Variants in POLE2 observed in about 807,000 individuals in gnomAD.
POLE2 encodes the protein DNA polymerase epsilon 2, accessory subunit, also known as DNA polymerase epsilon subunit 2.
Under a neutral mutation model 79.4 loss-of-function variants are expected in POLE2, and 56 were observed. That is an observed-to-expected ratio of 0.71 (90% CI 0.57 to 0.88). The LOEUF is 0.88. Ranked by LOEUF, POLE2 falls within the 40% of genes least tolerant of loss-of-function variation. POLE2 has a pLI of 0.00. For synonymous variants in POLE2, 212 were observed against 214.0 expected (o/e 0.99, Z 0.08); for missense variants, 598 against 638.9 (o/e 0.94, Z 0.69).
At chr14:49,653,614 AGTTTTTTTGTTTTTTGTTTTTTTT>A (rs1243683807) in intron 15 of POLE2, among the ~76,000 whole-genome samples, 3 of 152,008 alleles carry the variant, frequency 2.0e-5, no homozygotes, top group African/African-American at 4.8e-5. Flanking sequence ...GAATCAAGTT[AGTTTTTTTGTTTTTTGTTTTTTTT>A]GTTTTTTTGT....
intron 10 of POLE2, among the ~76,000 whole-genome samples, chr14:49,659,050 G>A (rs1055314988): frequency 1.3e-5 from 2 of 152,156 alleles, no homozygotes; most frequent in Non-Finnish European, 2.9e-5. Context: ...TGATACTGAT[G>A]ATTCTGTGTA....
At chr14:49,666,440 A>G (rs772241179) in intron 6 of POLE2, 27 bp from the exon 7 acceptor site, 87 of 1,029,568 alleles carry the variant, frequency 8.5e-5, no homozygotes, top group Non-Finnish European at 1.2e-4. Context: ...TAAATTTTAA[A>G]GACTGTAAAT....
intron 3 of POLE2, among the ~76,000 whole-genome samples, chr14:49,678,048 G>A (rs1441246007): frequency 6.6e-6 from 1 of 150,688 alleles, no homozygotes; most frequent in Non-Finnish European, 1.5e-5. Context: ...TGTCCAGGCT[G>A]GAGCAGAGTG....
chr14:49,643,663 G>T lies in POLE2; in HGVS notation c.1573C>A (p.Gln525Lys), dbSNP rs1256767328. ...SNKTVEDSKL[Q>K]GF is the part of the protein sequence containing the mutation. Reference sequence around the variant, plus strand: ...GATCTTTAAGAATCTCAAAAGCCTTGAAGTTTGCTGAAAATAGAAAAAAAA... The same window carrying T: ...GATCTTTAAGAATCTCAAAAGCCTTTAAGTTTGCTGAAAATAGAAAAAAAA... The change falls in exon 19 of 19, where the codon CAA becomes AAA. Residue 525 changes from glutamine (Q) to lysine (K), a missense_variant. By Grantham distance (53) the Gln-to-Lys change is moderately conservative (BLOSUM62 1). Coordinates refer to ENST00000216367, the MANE Select transcript of POLE2 (RefSeq NM_002692.4). 7.1e-7 allele frequency: 1 copy of T among 1,400,462 alleles called. No homozygotes were observed. 86.8% of individuals were successfully genotyped at this position (1,400,462 alleles called of 1,614,324 possible). A position where few individuals can be genotyped will look rare whatever the true frequency, so the allele number is the denominator to read the frequency against.
At chr14:49,651,816 A>G (rs1884260172) in intron 15 of POLE2, among the ~76,000 whole-genome samples, 1 of 152,154 alleles carries the variant, frequency 6.6e-6, no homozygotes, top group Non-Finnish European at 1.5e-5. Flanking sequence ...TGACTTGAGC[A>G]CAGGCTTGAA....
intron 17 of POLE2, 141 bp downstream of exon 17, chr14:49,650,124 G>T (rs1382743742): frequency 4.4e-6 from 2 of 454,976 alleles, no homozygotes; most frequent in Non-Finnish European, 3.5e-6. Flanking sequence ...CCAACTTTCT[G>T]TGTATAGAAA....
intron 17 of POLE2, among the ~76,000 whole-genome samples, chr14:49,647,816 A>C (rs1883895799): frequency 6.6e-6 from 1 of 152,214 alleles, no homozygotes. Context: ...TTGTGACTTA[A>C]AATGACAAGA....
chr14:49,682,240 G>A (rs1397051136), intron 2 of POLE2, among the ~76,000 whole-genome samples: 1 of 151,114 alleles, frequency 6.6e-6, no homozygotes, highest in South Asian at 2.1e-4. Context: ...CTGAACTCAG[G>A]CGTTCCCACC....
chr14:49,650,210 A>AATTT (rs1884108637), intron 17 of POLE2, 55 bp downstream of exon 17: 1 of 916,512 alleles, frequency 1.1e-6, no homozygotes, highest in East Asian at 2.9e-5. Context: ...TTAAATTAAA[A>AATTT]AATGCACTCT....
At chr14:49,653,935 C>G in intron 15 of POLE2, 55 bp downstream of exon 15, 1 of 1,068,378 alleles carries the variant, frequency 9.4e-7, no homozygotes, top group Non-Finnish European at 1.4e-6. Flanking sequence ...GCCACCACAC[C>G]TGGCTAATTT....
intron 1 of POLE2, among the ~76,000 whole-genome samples, chr14:49,684,106 T>A (rs902794519): frequency 6.6e-6 from 1 of 152,224 alleles, no homozygotes; most frequent in South Asian, 2.1e-4. Context: ...TATATTTAAT[T>A]TGATAATGCA....
chr14:49,656,406 T>C (rs1440402990), intron 10 of POLE2, among the ~76,000 whole-genome samples: 1 of 151,562 alleles, frequency 6.6e-6, no homozygotes, highest in Non-Finnish European at 1.5e-5. Context: ...AATAATTTCC[T>C]ATGTCACTGA....
At chr14:49,686,979 T>C (rs1212705059) in intron 1 of POLE2, among the ~76,000 whole-genome samples, 2 of 152,048 alleles carry the variant, frequency 1.3e-5, no homozygotes, top group Non-Finnish European at 2.9e-5. Flanking sequence ...GGTATTTCAA[T>C]ATGTATAAAA....
At chr14:49,679,190 CAATTTGT>C (rs552911488) in intron 3 of POLE2, among the ~76,000 whole-genome samples, 44 of 152,152 alleles carry the variant, frequency 2.9e-4, no homozygotes, top group African/African-American at 8.9e-4. Context: ...TAAATGCCAT[CAATTTGT>C]ATAGAAGTAT....
chr14:49,646,302 GTTTTT>G (rs1162033821), intron 18 of POLE2, among the ~76,000 whole-genome samples: 12 of 84,568 alleles, frequency 1.4e-4, no homozygotes, highest in African/African-American at 5.9e-4. Flanking sequence ...TTTTTTGTTG[GTTTTT>G]TTTTTTTTTT....
chr14:49,659,189 G>A (rs1884923571), intron 10 of POLE2, among the ~76,000 whole-genome samples: 1 of 152,158 alleles, frequency 6.6e-6, no homozygotes, highest in South Asian at 2.1e-4. Flanking sequence ...GGCTGAGGTG[G>A]GAGGATTGCT....
chr14:49,649,136 CCTT>C (rs1173918297), intron 17 of POLE2, among the ~76,000 whole-genome samples: 9 of 141,746 alleles, frequency 6.3e-5, no homozygotes, highest in African/African-American at 1.6e-4. Context: ...TATTTCTTTC[CCTT>C]TTTTTTTTTT....
chr14:49,666,343 G>A lies in POLE2; in HGVS notation c.563C>T (p.Thr188Met), dbSNP rs754285478. ...TTATTAAGTTACCTCTTTTAACTGCGTTATCATTCCAAGAACAATCGCATC... is the reference window on the plus strand; with the variant it reads ...TTATTAAGTTACCTCTTTTAACTGCATTATCATTCCAAGAACAATCGCATC... ...IGDAIVLGMI[T>M]QLKEGKFFLE... The change falls in exon 7 of 19, where the codon ACG becomes ATG. Residue 188 changes from threonine to methionine, a missense_variant. By Grantham distance (81) the Thr-to-Met change is moderately conservative (BLOSUM62 -1). Transcript: ENST00000216367. The A allele has an allele frequency of 1.2e-5, 18 of 1,529,804 alleles. No homozygotes were observed. The highest frequency in any genetic ancestry group is 6.2e-5 in the South Asian group (5 of 81,048). The allele number at this position is 1,529,804 out of a possible 1,614,324, so 94.8% of individuals were successfully genotyped here.
intron 2 of POLE2, among the ~76,000 whole-genome samples, chr14:49,682,158 C>T (rs1469998294): frequency 4.0e-5 from 6 of 151,352 alleles, no homozygotes; most frequent in Non-Finnish European, 8.8e-5. Flanking sequence ...GCGCCTGCCA[C>T]CATGCCTGGC....
Sources: gnomAD v4.1 joint callset for allele counts (sites outside exome capture counted in the v4.1 genomes callset) on GRCh38, gnomAD v4.1.1 for gene constraint, MANE v1.5 for transcripts, NCBI Gene and HGNC (gene_info 2026-07-23, HGNC 2026-07-21) for gene names.